PTPRD: variants seen among roughly 807,000 people sequenced by gnomAD.
PTPRD encodes the protein receptor-type tyrosine-protein phosphatase delta.
A neutral mutation model predicts 214.5 loss-of-function variants in PTPRD; 34 were observed. The observed-to-expected ratio is 0.16, with a 90% CI of 0.12 to 0.21. The LOEUF (loss-of-function observed/expected upper bound fraction) is 0.21. Ranked by LOEUF, PTPRD falls within the 10% of genes least tolerant of loss-of-function variation. The pLI, the probability that PTPRD is intolerant of heterozygous loss-of-function variation, is 1.00. For synonymous variants in PTPRD, 1,128 were observed against 845.7 expected (o/e 1.33, Z -5.79); for missense variants, 2,545 against 2,398.7 (o/e 1.06, Z -1.27).
intron 3 of PTPRD, among the ~76,000 whole-genome samples, chr9:10,246,770 C>A (rs954970739): frequency 6.6e-6 from 1 of 151,384 alleles, no homozygotes; most frequent in Admixed American, 6.6e-5. Flanking sequence ...TAGTTGCATA[C>A]CTGTATTTAA....
intron 7 of PTPRD, among the ~76,000 whole-genome samples, chr9:9,616,427 A>G (rs1353828459): frequency 6.6e-6 from 1 of 151,996 alleles, no homozygotes; most frequent in Non-Finnish European, 1.5e-5. Flanking sequence ...AAATAAGACA[A>G]TGCATCTAGG....
chr9:9,932,926 C>T (rs900711141), intron 5 of PTPRD, among the ~76,000 whole-genome samples: 36 of 142,416 alleles, frequency 2.5e-4, no homozygotes, highest in African/African-American at 8.6e-4. Flanking sequence ...CAATATTCAA[C>T]ATTCTTAAAG....
chr9:9,637,211 C>T (rs1478822187), intron 7 of PTPRD, among the ~76,000 whole-genome samples: 3 of 152,232 alleles, frequency 2.0e-5, no homozygotes, highest in South Asian at 4.1e-4. Flanking sequence ...ACACAAAATA[C>T]CTTCATTTCA....
chr9:8,689,382 T>A (rs1444485513), intron 12 of PTPRD, among the ~76,000 whole-genome samples: 1 of 152,130 alleles, frequency 6.6e-6, no homozygotes, highest in Non-Finnish European at 1.5e-5. Context: ...AGTAGTGTTT[T>A]TACACTGCTG....
intron 9 of PTPRD, among the ~76,000 whole-genome samples, chr9:9,304,951 G>C (rs916975379): frequency 6.8e-6 from 1 of 147,060 alleles, no homozygotes; most frequent in Non-Finnish European, 1.5e-5. Flanking sequence ...TGGCTGCACA[G>C]GATGGGAGTC....
intron 5 of PTPRD, among the ~76,000 whole-genome samples, chr9:9,857,951 T>C (rs530844945): frequency 9.2e-5 from 14 of 152,302 alleles, no homozygotes; most frequent in African/African-American, 3.1e-4. Flanking sequence ...TGGAAAGAAA[T>C]AATTTTAAGT....
chr9:10,413,213 C>T (rs7031374), intron 2 of PTPRD, among the ~76,000 whole-genome samples: 121,346 of 151,784 alleles, frequency 0.8, 48,617 homozygotes, highest in African/African-American at 0.83. Flanking sequence ...GAAAACCCCA[C>T]AGTCTCAACC....
intron 9 of PTPRD, among the ~76,000 whole-genome samples, chr9:9,194,210 C>A (rs563722633): frequency 6.6e-6 from 1 of 152,234 alleles, no homozygotes; most frequent in South Asian, 2.1e-4. Context: ...ATAGAGCTGC[C>A]ATCATCTATG....
rs531981493 is a variant in PTPRD at position 9,926,483 on chromosome 9, T to C, written c.-368+12024A>G. Reference sequence around the variant, plus strand: ...ACTCAGATCTTGGAACGATGTATTTTTTTCAGTAAATACATGATGAATGCA... The same window carrying C: ...ACTCAGATCTTGGAACGATGTATTTCTTTCAGTAAATACATGATGAATGCA... On this transcript the variant is annotated intron_variant, in intron 5 of 45. Coordinates refer to ENST00000381196, the MANE Select transcript of PTPRD (RefSeq NM_002839.4). 2.5e-4 allele frequency among the ~76,000 whole-genome samples: 38 copies of C among 152,030 alleles called. 1 individual carries two copies. Among genetic ancestry groups the C allele is most frequent in the Non-Finnish European group, 4.9e-4 (33 of 68,012 alleles).
At chr9:9,416,281 G>C (rs2076965865) in intron 8 of PTPRD, among the ~76,000 whole-genome samples, 1 of 152,060 alleles carries the variant, frequency 6.6e-6, no homozygotes, top group Admixed American at 6.6e-5. Context: ...TCTCATGGTT[G>C]GGTTTGAAAT....
chr9:9,877,020 A>G (rs2067082240), intron 5 of PTPRD, among the ~76,000 whole-genome samples: 1 of 152,212 alleles, frequency 6.6e-6, no homozygotes, highest in Non-Finnish European at 1.5e-5. Flanking sequence ...GTTCAGTTAC[A>G]TTGCTCAAGC....
intron 14 of PTPRD, among the ~76,000 whole-genome samples, chr9:8,590,169 G>C (rs2154263226): frequency 6.6e-6 from 1 of 152,156 alleles, no homozygotes; most frequent in East Asian, 1.9e-4. Flanking sequence ...GCTGATAATA[G>C]AAACCAGATG....
intron 10 of PTPRD, among the ~76,000 whole-genome samples, chr9:9,097,662 G>A (rs924761042): frequency 6.6e-6 from 1 of 151,858 alleles, no homozygotes; most frequent in African/African-American, 2.4e-5. Context: ...TGCCCGCCTC[G>A]GCCTCCCAAA....
At chr9:10,158,273 G>C (rs2099106118) in intron 3 of PTPRD, among the ~76,000 whole-genome samples, 1 of 152,116 alleles carries the variant, frequency 6.6e-6, no homozygotes, top group Non-Finnish European at 1.5e-5. Context: ...CCCTGAAGTT[G>C]TTGGGGTTAC....
At position 8,449,817 on chromosome 9, in the gene PTPRD, G is replaced by C. The variant is rs748111632; in HGVS notation, c.3896C>G (p.Ser1299Cys). 3.1e-6 allele frequency: 5 copies of C among 1,613,960 alleles called. No homozygotes were observed. In the South Asian group the frequency reaches 3.3e-5, roughly 11 times the overall value. ...LYKRKRAESD[S>C]RKSSIPNNKE... The stretch of plus-strand genomic sequence containing the variant: ...ATTGTTCGGTATGCTGCTTTTTCTA[G>C]AGTCGGACTCTGCCCTCTTCCTATA... The change falls in exon 34 of 46, where the codon TCT becomes TGT. Residue 1299 changes from serine to cysteine, a missense_variant. Ser to Cys is a moderately radical substitution (Grantham distance 112, BLOSUM62 -1). Coordinates refer to ENST00000381196, the MANE Select transcript of PTPRD (RefSeq NM_002839.4).
intron 5 of PTPRD, among the ~76,000 whole-genome samples, chr9:9,846,419 CTT>C (rs2059544599): frequency 6.6e-6 from 1 of 152,122 alleles, no homozygotes; most frequent in South Asian, 2.1e-4. Context: ...ACTCTCGAGA[CTT>C]TATCTTTAGA....
rs1027250186 is a variant in PTPRD at position 9,090,992 on chromosome 9, A to T, written c.-142-72257T>A. 161 of 1,573,606 alleles carry T rather than the reference A, an allele frequency of 1.0e-4. 1 individual carries two copies. Among genetic ancestry groups the T allele is most frequent in the Middle Eastern group, 8.4e-4 (5 of 5,982 alleles). The stretch of plus-strand genomic sequence containing the variant: ...ACTAACTGTGCCCGATGCATGCCCA[A>T]GGACAAGGCCATTAAGAAATTCGTC... On this transcript the variant is annotated intron_variant, in intron 10 of 45. Transcript: ENST00000381196.
At chr9:10,328,741 G>A (rs75982763) in intron 3 of PTPRD, among the ~76,000 whole-genome samples, 6,925 of 151,816 alleles carry the variant, frequency 0.046, 511 homozygotes, top group African/African-American at 0.16. Context: ...TTAATTAATG[G>A]TAGAAATAGA....
At chr9:10,526,542 T>C (rs1357778834) in intron 2 of PTPRD, among the ~76,000 whole-genome samples, 1 of 152,134 alleles carries the variant, frequency 6.6e-6, no homozygotes, top group African/African-American at 2.4e-5. Context: ...AAGGTAGTTA[T>C]ACAAAACTCC....
Sources: gnomAD v4.1 joint callset for allele counts (sites outside exome capture counted in the v4.1 genomes callset) on GRCh38, gnomAD v4.1.1 for gene constraint, MANE v1.5 for transcripts, NCBI Gene and HGNC (gene_info 2026-07-23, HGNC 2026-07-21) for gene names.